The following PRKCH variants were observed in gnomAD, a reference collection of about 807,000 sequenced individuals.
PRKCH encodes the protein protein kinase C eta.
A neutral mutation model predicts 82.5 loss-of-function variants in PRKCH; 28 were observed. The observed-to-expected ratio is 0.34, with a 90% CI of 0.25 to 0.47. The LOEUF (loss-of-function observed/expected upper bound fraction) is 0.47. Among genes scored for constraint, PRKCH ranks in the 20% least tolerant of loss-of-function variants. The probability of loss-of-function intolerance (pLI) is 1.00; values close to 1 mark genes in which losing one functional copy is unlikely to be tolerated. For synonymous variants in PRKCH, 322 were observed against 327.4 expected (o/e 0.98, Z 0.18); for missense variants, 705 against 881.8 (o/e 0.80, Z 2.54).
At chr14:61,352,722 G>GAAAGAAAGAAAGAAAGAAAGAA (rs2046098994) in intron 1 of PRKCH, among the ~76,000 whole-genome samples, 1 of 151,376 alleles carries the variant, frequency 6.6e-6, no homozygotes, top group African/African-American at 2.4e-5. Flanking sequence ...AAGAAAGAAA[G>GAAAGAAAGAAAGAAAGAAAGAA]AAAGAAAGAA....
At chr14:61,446,976 A>G (rs992395106) in intron 4 of PRKCH, among the ~76,000 whole-genome samples, 10 of 152,230 alleles carry the variant, frequency 6.6e-5, no homozygotes, top group African/African-American at 2.4e-4. Flanking sequence ...CTATGTAAAG[A>G]GCAGGGAAGA....
intron 8 of PRKCH, 40 bp downstream of exon 8, chr14:61,457,359 G>A: frequency 6.2e-7 from 1 of 1,610,842 alleles, no homozygotes; most frequent in Non-Finnish European, 8.5e-7. Context: ...AAGTAAGTGT[G>A]CTCTGTGTAT....
chr14:61,436,019 A>G (rs1566880894), intron 2 of PRKCH, among the ~76,000 whole-genome samples: 1 of 152,124 alleles, frequency 6.6e-6, no homozygotes, highest in South Asian at 2.1e-4. Flanking sequence ...TGAAAAAGGA[A>G]AGATGATGAT....
chr14:61,233,191 T>C (rs1474729623), intron 1 of PRKCH, among the ~76,000 whole-genome samples: 3 of 151,996 alleles, frequency 2.0e-5, no homozygotes, highest in Non-Finnish European at 4.4e-5. Context: ...AAAGCCAGAG[T>C]GTCAGCCTGG....
In PRKCH at chr14:61,280,256, C is replaced by T. The variant is rs763072483; in HGVS notation, c.-19+92588C>T. ...CTGCTGAAGATGAGGAGCTTGTGGC[C>T]GCCGAACGCGCGCACCGGGTAGTTG... On this transcript the variant is annotated intron_variant, in intron 1 of 3. Coordinates refer to the PRKCH transcript ENST00000555185. This position sits in a 1 kb window ranked among gnomAD's most constrained non-coding sequence, Gnocchi z 5.0. The T allele has an allele frequency of 6.2e-7, 1 of 1,613,984 alleles. No individual in the cohort carries two copies. Among genetic ancestry groups the T allele is most frequent in the South Asian group, 1.1e-5 (1 of 91,080 alleles).
At chr14:61,391,178 A>G (rs776374647) in intron 1 of PRKCH, 47 bp from the exon 2 acceptor site, 1 of 1,525,184 alleles carries the variant, frequency 6.6e-7, no homozygotes, top group Admixed American at 1.8e-5. Context: ...GCCCACAAAA[A>G]TATTTTAAAA....
At chr14:61,352,044 A>C (rs748564242) in intron 1 of PRKCH, among the ~76,000 whole-genome samples, 5 of 152,086 alleles carry the variant, frequency 3.3e-5, no homozygotes, top group Non-Finnish European at 7.4e-5. Flanking sequence ...GAATCTCAAG[A>C]GTAACAGCAC....
At chr14:61,461,837 A>G (rs2140300719) in intron 9 of PRKCH, among the ~76,000 whole-genome samples, 1 of 152,330 alleles carries the variant, frequency 6.6e-6, no homozygotes, top group East Asian at 1.9e-4. Context: ...CAGTATACCA[A>G]AATTTTAGCG....
intron 1 of PRKCH, among the ~76,000 whole-genome samples, chr14:61,363,269 T>C (rs981685988): frequency 1.3e-5 from 2 of 152,216 alleles, no homozygotes; most frequent in African/African-American, 4.8e-5. Context: ...TGAAAAATTT[T>C]AAGCAGGGGT....
intron 1 of PRKCH, among the ~76,000 whole-genome samples, chr14:61,247,387 C>A (rs1169777863): frequency 6.6e-6 from 1 of 151,734 alleles, no homozygotes; most frequent in Non-Finnish European, 1.5e-5. Flanking sequence ...AAATGAAAAT[C>A]CAAGAAGTTT....
chr14:61,294,447 TTA>T (rs2045390258), intron 1 of PRKCH, among the ~76,000 whole-genome samples: 1 of 152,044 alleles, frequency 6.6e-6, no homozygotes, highest in African/African-American at 2.4e-5. Flanking sequence ...TATTTAAATT[TTA>T]TGTTGATTTA....
intron 1 of PRKCH, among the ~76,000 whole-genome samples, chr14:61,231,242 A>G (rs1337723218): frequency 6.6e-6 from 1 of 152,240 alleles, no homozygotes; most frequent in Non-Finnish European, 1.5e-5. Context: ...GGTTATTGCA[A>G]GGACTAAACA....
intron 1 of PRKCH, among the ~76,000 whole-genome samples, chr14:61,371,711 GT>G (rs2046366140): frequency 6.6e-6 from 1 of 151,514 alleles, no homozygotes; most frequent in Non-Finnish European, 1.5e-5. Context: ...CTAAAATTAT[GT>G]TTGTCAGATT....
chr14:61,491,259 C>CT (rs1566911113), intron 10 of PRKCH, among the ~76,000 whole-genome samples: 2 of 152,204 alleles, frequency 1.3e-5, no homozygotes, highest in African/African-American at 4.8e-5. Flanking sequence ...TAACAGCTCT[C>CT]TTTTCCCTTT....
At chr14:61,274,352 G>C (rs2045184484) in intron 1 of PRKCH, among the ~76,000 whole-genome samples, 1 of 152,334 alleles carries the variant, frequency 6.6e-6, no homozygotes, top group Non-Finnish European at 1.5e-5. Flanking sequence ...ATGTCCTGCT[G>C]AGTTTACTTT....
rs371559322 is a variant in PRKCH at position 61,250,216 on chromosome 14, G to A, written c.-19+62548G>A. Reference sequence around the variant, plus strand: ...CAGTGAGCCGAACTCCAGCCTGGGCGATAGAGTGAGACTCAGTCTCAAAAA... The same window carrying A: ...CAGTGAGCCGAACTCCAGCCTGGGCAATAGAGTGAGACTCAGTCTCAAAAA... On this transcript the variant is annotated intron_variant, in intron 1 of 3. Coordinates refer to the PRKCH transcript ENST00000555185. Among the ~76,000 whole-genome samples the A allele has an allele frequency of 1.4e-4, 21 of 150,342 alleles. No individual in the cohort carries two copies. The East Asian group carries it at 3.0e-3, about 21-fold the overall frequency.
chr14:61,306,044 T>A (rs774161058), intron 1 of PRKCH: 1 of 151,496 alleles, frequency 6.6e-6, no homozygotes, highest in Non-Finnish European at 1.5e-5. Context: ...TTTTGTTATG[T>A]ATTATTATTA....
intron 1 of PRKCH, among the ~76,000 whole-genome samples, chr14:61,270,210 G>C (rs1018588183): frequency 1.3e-5 from 2 of 152,218 alleles, no homozygotes; most frequent in African/African-American, 2.4e-5. Flanking sequence ...GCTCACACCT[G>C]TAATCCCAGC....
At chr14:61,525,634 C>T (rs1043393256) in intron 10 of PRKCH, 3 of 152,240 alleles carry the variant, frequency 2.0e-5, no homozygotes, top group Admixed American at 6.5e-5. Flanking sequence ...AGCAGTCAGA[C>T]CTCTTACCTG....
Sources: gnomAD v4.1 joint callset for allele counts (sites outside exome capture counted in the v4.1 genomes callset) on GRCh38, gnomAD v4.1.1 for gene constraint, Gnocchi (gnomAD v3.1) non-coding constraint, MANE v1.5 for transcripts, NCBI Gene and HGNC (gene_info 2026-07-23, HGNC 2026-07-21) for gene names.